A2M: variants seen among roughly 807,000 people sequenced by gnomAD.
A2M encodes the protein alpha-2-macroglobulin, also known as C3 and PZP-like alpha-2-macroglobulin domain-containing protein 5.
A2M carries 128 observed loss-of-function variants against 183.9 expected under a neutral mutation model. The ratio of observed to expected loss-of-function variants is 0.70; its 90% confidence interval spans 0.60 to 0.81. The LOEUF (loss-of-function observed/expected upper bound fraction) is 0.81. Among genes scored for constraint, A2M ranks in the 30% least tolerant of loss-of-function variants. The pLI is 0.00. For synonymous variants in A2M, 592 were observed against 670.8 expected, an observed-to-expected ratio of 0.88 and a Z score of 1.81; for missense variants, 1,495 against 1,787.6, an observed-to-expected ratio of 0.84 and a Z score of 2.95.
chr12:9,106,333 G>C lies in A2M; in HGVS notation c.1007C>G (p.Thr336Ser), dbSNP rs1176719266. The C allele has an allele frequency of 5.0e-6, 8 of 1,608,054 alleles. No individual in the cohort carries two copies. Among genetic ancestry groups the C allele is most frequent in the Non-Finnish European group, 6.8e-6 (8 of 1,175,696 alleles). ...IQEEGTVVEL[T>S]GRQSSEITRT... ...TGTGATTTCACTGGACTGCCTTCCA[G>C]TCAATTCCACCACTGAAAAAAGAGA... Residue 336 changes from threonine (T) to serine (S), a missense_variant, in exon 10 of 36, where the codon ACT becomes AGT. Physicochemically the swap from Thr to Ser is moderately conservative, Grantham distance 58. Transcript: ENST00000318602.
At chr12:9,110,167 T>C (rs1288956484) in intron 5 of A2M, 132 bp from the exon 6 acceptor site, 15 of 1,143,120 alleles carry the variant, frequency 1.3e-5, no homozygotes, top group Admixed American at 2.4e-5. Context: ...GTAGAGGAGA[T>C]GAGTTATAGC....
chr12:9,098,045 C>T (rs1949438223), intron 15 of A2M, among the ~76,000 whole-genome samples: 1 of 152,176 alleles, frequency 6.6e-6, no homozygotes, highest in Non-Finnish European at 1.5e-5. Flanking sequence ...TTTGACAACT[C>T]CTATTACTGG....
chr12:9,099,654 A>G, intron 13 of A2M, 131 bp from the exon 14 acceptor site: 11 of 1,152,820 alleles, frequency 9.5e-6, no homozygotes, highest in South Asian at 3.7e-5. Context: ...GCTTTAGAAA[A>G]AAACCCTATC....
chr12:9,107,491 G>A (rs146688091), intron 8 of A2M, 33 bp downstream of exon 8: 20 of 1,610,396 alleles, frequency 1.2e-5, no homozygotes, highest in African/African-American at 1.1e-4. Flanking sequence ...TGCCTTTATC[G>A]CTATTCTCTA....
chr12:9,102,545 A>G (rs1306097541), intron 11 of A2M, among the ~76,000 whole-genome samples: 12 of 152,114 alleles, frequency 7.9e-5, no homozygotes, highest in African/African-American at 1.2e-4. Context: ...GCTCCCTGCA[A>G]TCTGGATTCT....
intron 15 of A2M, among the ~76,000 whole-genome samples, chr12:9,096,630 A>G (rs1298122984): frequency 6.6e-6 from 1 of 152,256 alleles, no homozygotes; most frequent in Non-Finnish European, 1.5e-5. Flanking sequence ...TAAGACAGAC[A>G]TAAAAATTGT....
intron 29 of A2M, 41 bp from the exon 30 acceptor site, chr12:9,072,912 T>C (rs768091616): frequency 1.0e-5 from 16 of 1,552,176 alleles, no homozygotes; most frequent in African/African-American, 5.4e-5. Context: ...TTGGGCATTA[T>C]AAGGCTTTGA....
At chr12:9,093,632 G>T in intron 17 of A2M, 53 bp from the exon 18 acceptor site, 1 of 1,007,874 alleles carries the variant, frequency 9.9e-7, no homozygotes, top group South Asian at 2.5e-5. Context: ...TAAAGCTTAT[G>T]AGAGAATGTA....
chr12:9,108,415 C>T (rs906460781), intron 7 of A2M, among the ~76,000 whole-genome samples: 1 of 152,168 alleles, frequency 6.6e-6, no homozygotes, highest in African/African-American at 2.4e-5. Context: ...CGTGAGCCAC[C>T]ACGCCGGGCC....
Position 9,106,212 on chromosome 12 carries a change from T to G in A2M, c.1104+24A>C, listed in dbSNP as rs765207510. 4.3e-6 allele frequency: 6 copies of G among 1,405,622 alleles called. No homozygotes were observed. The East Asian group carries it at 1.4e-4, about 32-fold the overall frequency. 87.1% of individuals were successfully genotyped at this position (1,405,622 alleles called of 1,614,324 possible). A position where few individuals can be genotyped will look rare whatever the true frequency, so the allele number is the denominator to read the frequency against. Reference sequence around the variant, plus strand: ...AATTAGGTAACAGTACATGGGTTGATGAGTGAACTGGAAAATACTCCACCT... The same window carrying G: ...AATTAGGTAACAGTACATGGGTTGAGGAGTGAACTGGAAAATACTCCACCT... On this transcript the variant is annotated intron_variant, in intron 10 of 35. Coordinates refer to ENST00000318602, the MANE Select transcript of A2M (RefSeq NM_000014.6).
chr12:9,116,105 T>G, upstream of A2M: 2 of 448,188 alleles, frequency 4.5e-6, no homozygotes, highest in Non-Finnish European at 8.4e-6. Context: ...TAAAACTACA[T>G]TCCCATTCCC....
intron 16 of A2M, 85 bp from the exon 17 acceptor site, chr12:9,095,169 G>A: frequency 2.9e-6 from 2 of 679,754 alleles, no homozygotes; most frequent in Non-Finnish European, 4.6e-6. Context: ...AATTTGACAA[G>A]CAATCCAGTT....
chr12:9,114,750 AC>A (rs1289031602), intron 1 of A2M, among the ~76,000 whole-genome samples: 1 of 152,088 alleles, frequency 6.6e-6, no homozygotes, highest in Non-Finnish European at 1.5e-5. Flanking sequence ...TATATATGTA[AC>A]ATATGTGGGT....
At chr12:9,068,623 CA>C (rs1948466205) in intron 34 of A2M, 116 bp downstream of exon 34, 1 of 848,460 alleles carries the variant, frequency 1.2e-6, no homozygotes, top group Non-Finnish European at 1.9e-6. Context: ...TTGATGGAGA[CA>C]AAATGAAGTG....
chr12:9,093,366 A>G, intron 18 of A2M, 99 bp downstream of exon 18: 1 of 772,540 alleles, frequency 1.3e-6, no homozygotes, highest in Non-Finnish European at 2.2e-6. Flanking sequence ...GTTGTACATC[A>G]TAAACATATA....
intron 22 of A2M, among the ~76,000 whole-genome samples, chr12:9,086,460 AT>A (rs1308800205): frequency 1.3e-5 from 2 of 152,244 alleles, no homozygotes; most frequent in Non-Finnish European, 2.9e-5. Context: ...AGTGGGATTT[AT>A]CCCTGAGATG....
intron 22 of A2M, among the ~76,000 whole-genome samples, chr12:9,087,299 G>C (rs1231450636): frequency 6.6e-6 from 1 of 152,100 alleles, no homozygotes; most frequent in African/African-American, 2.4e-5. Context: ...AGAAAATTTG[G>C]TATATACACA....
chr12:9,091,475 C>T, intron 18 of A2M, 46 bp from the exon 19 acceptor site: 1 of 1,594,924 alleles, frequency 6.3e-7, no homozygotes, highest in Non-Finnish European at 8.6e-7. Flanking sequence ...CAGTTAAATA[C>T]ATCCTTTCTA....
Position 9,093,475 on chromosome 12 carries a change from C to A in A2M, c.2230G>T (p.Val744Leu). ...YFPETWIWDL[V>L]VVNSAGVAEV... Reference sequence around the variant, plus strand: ...CAGGAAGTTACTTACTTTACCACCACCAAATCCCAGATCCATGTCTCAGGG... The same window carrying A: ...CAGGAAGTTACTTACTTTACCACCAACAAATCCCAGATCCATGTCTCAGGG... Residue 744 changes from valine (V) to leucine (L), a missense_variant, in exon 18 of 36, where the codon GTG (valine) becomes TTG (leucine). Transcript: ENST00000318602. 6.2e-7 allele frequency: 1 copy of A among 1,613,500 alleles called. No homozygotes were observed. Among genetic ancestry groups the A allele is most frequent in the Non-Finnish European group, 8.5e-7 (1 of 1,179,478 alleles).
Sources: allele counts gnomAD v4.1 joint callset (sites outside exome capture counted in the v4.1 genomes callset), GRCh38; gene constraint gnomAD v4.1.1; transcripts MANE v1.5; gene names NCBI Gene and HGNC (gene_info 2026-07-23, HGNC 2026-07-21).